PLXNA4: variants seen among roughly 807,000 people sequenced by gnomAD.
PLXNA4 encodes plexin-A4.
A neutral mutation model predicts 191.8 loss-of-function variants in PLXNA4; 44 were observed. The observed-to-expected ratio is 0.23, with a 90% confidence interval of 0.18 to 0.29. PLXNA4 has a LOEUF of 0.29. PLXNA4 is among the 10% of genes least tolerant of loss of function. The pLI, the probability that PLXNA4 is intolerant of heterozygous loss-of-function variation, is 1.00. For missense variants in PLXNA4, 1,800 were observed against 2,488.8 expected, an observed-to-expected ratio of 0.72 and a Z score of 5.89; for synonymous variants, 1,082 against 1,009.5, an observed-to-expected ratio of 1.07 and a Z score of -1.36.
At chr7:132,416,374 A>C (rs1794661323) in intron 3 of PLXNA4, among the ~76,000 whole-genome samples, 1 of 152,218 alleles carries the variant, frequency 6.6e-6, no homozygotes, top group Non-Finnish European at 1.5e-5. Context: ...GGGGCCTTGG[A>C]GATTAGCATA....
At position 132,318,273 on chromosome 7, in the gene PLXNA4, C is replaced by T. The variant is rs891221288; in HGVS notation, c.1372-20051G>A. On this transcript the variant is annotated intron_variant, in intron 3 of 31. Coordinates refer to ENST00000321063, the MANE Select transcript of PLXNA4 (RefSeq NM_020911.2). ...TCACCCTTCTGAGCACCAGAGATCA[C>T]ACCAGGGTCTGACCCTCTGGCAGCC... is the stretch of plus-strand genomic sequence containing the variant. 1.3e-5 allele frequency among the ~76,000 whole-genome samples: 2 copies of T among 152,248 alleles called. 1 individual carries two copies. Among genetic ancestry groups the T allele is most frequent in the South Asian group, 4.1e-4 (2 of 4,838 alleles).
intron 3 of PLXNA4, among the ~76,000 whole-genome samples, chr7:132,356,391 G>A (rs1803707367): frequency 6.6e-6 from 1 of 152,220 alleles, no homozygotes; most frequent in Non-Finnish European, 1.5e-5. Context: ...TTTATAAACA[G>A]TGATGTTCAA....
chr7:132,506,120 C>T (rs141806243), intron 2 of PLXNA4, among the ~76,000 whole-genome samples: 35 of 152,206 alleles, frequency 2.3e-4, no homozygotes, highest in African/African-American at 8.4e-4. Context: ...TTTCAGCTGG[C>T]CCAGTGCCTG....
chr7:132,454,644 G>T (rs1745145510), intron 3 of PLXNA4, among the ~76,000 whole-genome samples: 1 of 152,052 alleles, frequency 6.6e-6, no homozygotes, highest in Non-Finnish European at 1.5e-5. Flanking sequence ...GGTCTTTAAA[G>T]AGGTCATTCA....
chr7:132,439,046 C>T (rs1292484554), intron 3 of PLXNA4, among the ~76,000 whole-genome samples: 1 of 152,204 alleles, frequency 6.6e-6, no homozygotes, highest in South Asian at 2.1e-4. Context: ...TTGGCAAGAA[C>T]GTCAACAGTC....
intron 24 of PLXNA4, among the ~76,000 whole-genome samples, chr7:132,160,366 C>A (rs1291361968): frequency 6.6e-6 from 1 of 152,208 alleles, no homozygotes; most frequent in Non-Finnish European, 1.5e-5. Context: ...CTCCATTTCT[C>A]CTTTTGGAAC....
At chr7:132,301,041 C>T (rs1801285836) in intron 3 of PLXNA4, among the ~76,000 whole-genome samples, 2 of 152,188 alleles carry the variant, frequency 1.3e-5, no homozygotes, top group Non-Finnish European at 2.9e-5. Context: ...GAAGCACCAA[C>T]TGGACAAGGT....
chr7:132,357,931 G>T (rs1368397853), intron 3 of PLXNA4, among the ~76,000 whole-genome samples: 2 of 152,232 alleles, frequency 1.3e-5, no homozygotes, highest in African/African-American at 2.4e-5. Context: ...GCCAAAGTCA[G>T]CGAAAGGAAT....
chr7:132,289,025 C>T (rs766026384), intron 4 of PLXNA4, among the ~76,000 whole-genome samples: 54 of 152,138 alleles, frequency 3.5e-4, no homozygotes, highest in African/African-American at 1.3e-3. Context: ...AAGCCTCAAG[C>T]GATGCTGCCT....
At chr7:132,325,171 C>T (rs984258515) in intron 3 of PLXNA4, among the ~76,000 whole-genome samples, 1 of 152,194 alleles carries the variant, frequency 6.6e-6, no homozygotes, top group Non-Finnish European at 1.5e-5. Flanking sequence ...TCAAATTTTA[C>T]CACCCAACTG....
intron 3 of PLXNA4, among the ~76,000 whole-genome samples, chr7:132,431,788 A>C (rs1047642534): frequency 6.6e-5 from 10 of 152,226 alleles, no homozygotes; most frequent in South Asian, 4.1e-4. Context: ...GACTACGTAA[A>C]TAAGGACATC....
chr7:132,342,852 A>C (rs1239839254), intron 3 of PLXNA4, among the ~76,000 whole-genome samples: 1 of 148,430 alleles, frequency 6.7e-6, no homozygotes, highest in Non-Finnish European at 1.5e-5. Context: ...GTGGCTGAGG[A>C]GGGAGAATCG....
chr7:132,533,925 C>CTATTATTAT (rs61158936), intron 1 of PLXNA4, among the ~76,000 whole-genome samples: 37 of 150,074 alleles, frequency 2.5e-4, no homozygotes, highest in Middle Eastern at 3.5e-3. Context: ...AAGGATATTA[C>CTATTATTAT]TATTATTATT....
intron 1 of PLXNA4, among the ~76,000 whole-genome samples, chr7:132,564,785 A>G (rs1801639630): frequency 6.6e-6 from 1 of 152,208 alleles, no homozygotes; most frequent in African/African-American, 2.4e-5. Flanking sequence ...GAGGAATCTT[A>G]CGAATCCTTT....
At chr7:132,231,324 T>C (rs1798515083) in intron 5 of PLXNA4, among the ~76,000 whole-genome samples, 1 of 152,248 alleles carries the variant, frequency 6.6e-6, no homozygotes, top group Non-Finnish European at 1.5e-5. Context: ...AGTATTATCA[T>C]CTTATCCTTT....
chr7:132,347,796 T>G (rs1406746929), intron 3 of PLXNA4, among the ~76,000 whole-genome samples: 1 of 152,166 alleles, frequency 6.6e-6, no homozygotes, highest in African/African-American at 2.4e-5. Flanking sequence ...AGGGCTATCT[T>G]TATATCTTCC....
At chr7:132,581,586 A>G (rs764704384), upstream of PLXNA4, among the ~76,000 whole-genome samples, 5 of 152,182 alleles carry the variant, frequency 3.3e-5, no homozygotes, top group African/African-American at 4.8e-5. Flanking sequence ...ACATCTCTGC[A>G]TTGCCAGCTC....
intron 3 of PLXNA4, among the ~76,000 whole-genome samples, chr7:132,480,665 C>T (rs1200606351): frequency 6.6e-6 from 1 of 152,148 alleles, no homozygotes; most frequent in Non-Finnish European, 1.5e-5. Context: ...AAAGATGGGC[C>T]CAGTCTGTCC....
In PLXNA4 at chr7:132,627,029, T is replaced by G. The variant is rs1803391184; in HGVS notation, c.-87+18899A>C. Among the ~76,000 whole-genome samples, 2 of 152,232 alleles carry G rather than the reference T, an allele frequency of 1.3e-5. 1 individual carries two copies. Among genetic ancestry groups the G allele is most frequent in the East Asian group, 3.8e-4 (2 of 5,196 alleles). On this transcript the variant is annotated intron_variant, in intron 2 of 4. Coordinates refer to the PLXNA4 transcript ENST00000378539. ...ATGGCTCCTGACTACCTGCTCTACC[T>G]TGGCTCAACCCTTCATCAATCCCAC... is the stretch of plus-strand genomic sequence containing the variant.
Sources: gnomAD v4.1 joint callset for allele counts (sites outside exome capture counted in the v4.1 genomes callset) on GRCh38, gnomAD v4.1.1 for gene constraint, MANE v1.5 for transcripts, NCBI Gene and HGNC (gene_info 2026-07-23, HGNC 2026-07-21) for gene names.